SLC6A17: variants seen among roughly 807,000 people sequenced by gnomAD.
SLC6A17 encodes sodium-dependent neutral amino acid transporter SLC6A17.
A neutral mutation model predicts 64.5 loss-of-function variants in SLC6A17; 21 were observed. The observed-to-expected ratio is 0.33, with a 90% CI of 0.23 to 0.47. The LOEUF (loss-of-function observed/expected upper bound fraction) is 0.47. Among genes scored for constraint, SLC6A17 ranks in the 20% least tolerant of loss-of-function variants. The pLI is 1.00. For missense variants in SLC6A17, 682 were observed against 963.2 expected, an observed-to-expected ratio of 0.71 and a Z score of 3.86; for synonymous variants, 372 against 399.5, an observed-to-expected ratio of 0.93 and a Z score of 0.82.
chr1:110,182,738 A>G (rs1656565613), intron 6 of SLC6A17, among the ~76,000 whole-genome samples: 1 of 151,994 alleles, frequency 6.6e-6, no homozygotes, highest in Admixed American at 6.6e-5. Context: ...AGGTCAGGTG[A>G]TGAGGTCTGA....
intron 6 of SLC6A17, among the ~76,000 whole-genome samples, chr1:110,182,859 G>A (rs776313180): frequency 7.9e-5 from 12 of 152,092 alleles, no homozygotes; most frequent in Non-Finnish European, 1.6e-4. Flanking sequence ...GGGAAAATGG[G>A]AGCGAGGAAT....
intron 1 of SLC6A17, among the ~76,000 whole-genome samples, chr1:110,157,429 C>A (rs545781684): frequency 6.6e-6 from 1 of 151,922 alleles, no homozygotes; most frequent in African/African-American, 2.4e-5. Context: ...AAAAATTAGC[C>A]GGGTGTGCTG....
intron 6 of SLC6A17, among the ~76,000 whole-genome samples, chr1:110,178,905 C>A (rs1361001621): frequency 6.6e-6 from 1 of 152,198 alleles, no homozygotes; most frequent in African/African-American, 2.4e-5. Flanking sequence ...ATTATAGCAA[C>A]CACTTTCCTG....
At chr1:110,191,224 T>C (rs953909460) in intron 6 of SLC6A17, among the ~76,000 whole-genome samples, 1 of 152,158 alleles carries the variant, frequency 6.6e-6, no homozygotes, top group African/African-American at 2.4e-5. Context: ...TCTGGATCTG[T>C]CTGAGACTCT....
At chr1:110,163,862 G>A (rs781282032) in intron 1 of SLC6A17, among the ~76,000 whole-genome samples, 16 of 152,038 alleles carry the variant, frequency 1.1e-4, no homozygotes, top group African/African-American at 2.4e-4. Context: ...TGTCATTCAC[G>A]CCTCTGCTCA....
At chr1:110,196,496 C>G (rs1228588780) in intron 10 of SLC6A17, among the ~76,000 whole-genome samples, 2 of 152,156 alleles carry the variant, frequency 1.3e-5, no homozygotes, top group Non-Finnish European at 2.9e-5. Context: ...GGGAAGGACA[C>G]TCCTCTGCTT....
At chr1:110,160,155 T>C (rs982702850) in intron 1 of SLC6A17, among the ~76,000 whole-genome samples, 2 of 152,214 alleles carry the variant, frequency 1.3e-5, no homozygotes, top group African/African-American at 2.4e-5. Context: ...TGCTCCTCAT[T>C]TTACAGATGA....
intron 10 of SLC6A17, among the ~76,000 whole-genome samples, chr1:110,197,203 A>G (rs1656992183): frequency 6.6e-6 from 1 of 152,222 alleles, no homozygotes; most frequent in Non-Finnish European, 1.5e-5. Context: ...GGTGGGCCCT[A>G]TCATATCTCT....
At chr1:110,151,255 A>G (rs1053227481) in intron 1 of SLC6A17, among the ~76,000 whole-genome samples, 1 of 152,106 alleles carries the variant, frequency 6.6e-6, no homozygotes, top group Non-Finnish European at 1.5e-5. Context: ...CGCGGCTTGA[A>G]ACTGCGCGCC....
chr1:110,178,358 A>G (rs945516076), intron 6 of SLC6A17, among the ~76,000 whole-genome samples: 20 of 152,328 alleles, frequency 1.3e-4, no homozygotes, highest in South Asian at 4.1e-4. Flanking sequence ...GCTGGTCCCA[A>G]CACACACAAT....
chr1:110,197,992 A>C, intron 11 of SLC6A17, 84 bp from the exon 12 acceptor site: 2 of 1,521,962 alleles, frequency 1.3e-6, no homozygotes, highest in East Asian at 4.5e-5. Flanking sequence ...GCCATGGGTG[A>C]GGGCAGGAGA....
intron 11 of SLC6A17, 106 bp downstream of exon 11, chr1:110,197,705 C>A: frequency 7.6e-7 from 1 of 1,318,776 alleles, no homozygotes; most frequent in Non-Finnish European, 1.0e-6. Flanking sequence ...ATGTGCCAGG[C>A]CTTGCCAGGT....
At chr1:110,159,174 G>T (rs377189322) in intron 1 of SLC6A17, among the ~76,000 whole-genome samples, 1 of 152,154 alleles carries the variant, frequency 6.6e-6, no homozygotes, top group Non-Finnish European at 1.5e-5. Flanking sequence ...GTGCTGTGTT[G>T]TCATTGTTAT....
intron 9 of SLC6A17, 53 bp downstream of exon 9, chr1:110,194,824 A>G (rs1179275296): frequency 1.3e-6 from 2 of 1,599,352 alleles, no homozygotes; most frequent in African/African-American, 2.7e-5. Context: ...CTTGTGGACA[A>G]CAATTCCGTT....
At chr1:110,177,003 T>C (rs1188390729) in intron 6 of SLC6A17, among the ~76,000 whole-genome samples, 1 of 152,114 alleles carries the variant, frequency 6.6e-6, no homozygotes, top group Non-Finnish European at 1.5e-5. Flanking sequence ...AGGGAGCAGG[T>C]AGGATTGCAG....
rs41281364 is a variant in SLC6A17 at position 110,167,112 on chromosome 1, G to A, written c.183G>A (p.Pro61=). ...AGGAGCTGGATGCAGAGGACCGGCC[G>A]GCCTGGAACAGTAAGCTGCAGTACA... ...VEEELDAEDR[P]AWNSKLQYIL... The change falls in exon 2 of 12, where the codon CCG becomes CCA. Residue 61 remains proline, a synonymous_variant. Transcript: ENST00000331565. 0.064 allele frequency: 104,024 copies of A among 1,612,900 alleles called. 3,697 individuals carry two copies. The highest frequency in any genetic ancestry group is 0.074 in the Non-Finnish European group (87,359 of 1,179,666).
Position 110,174,059 on chromosome 1 carries a change from C to A in SLC6A17, c.531C>A (p.Pro177=), listed in dbSNP as rs1268632183. The A allele has an allele frequency of 1.9e-6, 3 of 1,614,078 alleles. No homozygotes were observed. The African/African-American group carries it at 4.0e-5, about 22-fold the overall frequency. ...YFFKSFQYPL[P]WSECPVVRNG... The stretch of plus-strand genomic sequence containing the variant: ...TCAAGTCCTTCCAGTACCCGCTGCC[C>A]TGGAGTGAATGTCCTGTCGTCAGGA... Residue 177 remains proline (P), a synonymous_variant, in exon 4 of 12, where the codon CCC becomes CCA. Coordinates refer to ENST00000331565, the MANE Select transcript of SLC6A17 (RefSeq NM_001010898.4).
rs781358960 is a variant in SLC6A17 at position 110,192,211 on chromosome 1, C to G, written c.1104C>G (p.Val368=). The stretch of plus-strand genomic sequence containing the variant: ...ACATCATGAATGAGAAGTGTGTGGT[C>G]GAGTAGGTGGCATCTCTCCTCCTGT... The part of the protein sequence containing the change: ...KANIMNEKCV[V]ENAEKILGYL... The change falls in exon 7 of 12, where the codon GTC becomes GTG. Residue 368 remains valine (V), a splice_region_variant and synonymous_variant. Coordinates refer to ENST00000331565, the MANE Select transcript of SLC6A17 (RefSeq NM_001010898.4). This position sits in a 1 kb window ranked among gnomAD's most constrained non-coding sequence, Gnocchi z 4.3. The G allele has an allele frequency of 3.1e-6, 5 of 1,606,876 alleles. No homozygotes were observed. The highest frequency in any genetic ancestry group is 3.3e-5 in the Admixed American group (2 of 59,912).
intron 6 of SLC6A17, among the ~76,000 whole-genome samples, chr1:110,182,460 T>G (rs983394037): frequency 6.6e-6 from 1 of 150,878 alleles, no homozygotes; most frequent in African/African-American, 2.4e-5. Context: ...CATTTGGGAG[T>G]GCGGGATAAC....
Sources: gnomAD v4.1 joint callset for allele counts (sites outside exome capture counted in the v4.1 genomes callset) on GRCh38, gnomAD v4.1.1 for gene constraint, Gnocchi (gnomAD v3.1) non-coding constraint, MANE v1.5 for transcripts, NCBI Gene and HGNC (gene_info 2026-07-23, HGNC 2026-07-21) for gene names.